KRABD2: variants seen among roughly 807,000 people sequenced by gnomAD.
KRABD2 encodes the protein KRAB domain-containing protein 2.
the KRABD2 span, chr17:8,373,781 G>A: frequency 2.4e-5 from 4 of 165,496 alleles, no homozygotes; most frequent in African/African-American, 4.9e-5. Flanking sequence ...CCTCTGCCCC[G>A]CCGCCCCGTC....
the KRABD2 span, among the ~76,000 whole-genome samples, chr17:8,366,109 A>G: frequency 2.7e-5 from 4 of 149,544 alleles, no homozygotes; most frequent in African/African-American, 9.9e-5. Context: ...AGCCCGGGCG[A>G]CAGTGCGAGA....
the KRABD2 span, among the ~76,000 whole-genome samples, chr17:8,374,459 T>A: frequency 6.6e-6 from 1 of 151,760 alleles, no homozygotes; most frequent in African/African-American, 2.4e-5. Context: ...CACTCCCTAA[T>A]CTCAAGTACC....
At chr17:8,367,986 G>T in the KRABD2 span, among the ~76,000 whole-genome samples, 1 of 150,318 alleles carries the variant, frequency 6.7e-6, no homozygotes, top group African/African-American at 2.5e-5. Flanking sequence ...GTCCTGGTTG[G>T]GTGTGGTGGC....
the KRABD2 span, among the ~76,000 whole-genome samples, chr17:8,361,263 AG>A: frequency 6.6e-6 from 1 of 152,186 alleles, no homozygotes; most frequent in African/African-American, 2.4e-5. Context: ...TAGAAGAGGT[AG>A]GAAGTACAAA....
chr17:8,372,576 G>A, the KRABD2 span, among the ~76,000 whole-genome samples: 1 of 152,146 alleles, frequency 6.6e-6, no homozygotes, highest in Non-Finnish European at 1.5e-5. The surrounding 1 kb of genome is among the most constrained non-coding windows in gnomAD (Gnocchi z 4.1). Context: ...ACAGGTGTGA[G>A]CCAGCACACC....
chr17:8,361,686 T>C, the KRABD2 span, among the ~76,000 whole-genome samples: 1 of 152,272 alleles, frequency 6.6e-6, no homozygotes, highest in East Asian at 1.9e-4. Context: ...GCCACCCAAG[T>C]AGCTGGGCCT....
the KRABD2 span, among the ~76,000 whole-genome samples, chr17:8,364,843 G>C: frequency 5.3e-5 from 8 of 152,064 alleles, no homozygotes; most frequent in Non-Finnish European, 8.8e-5. This position sits in a 1 kb window ranked among gnomAD's most constrained non-coding sequence, Gnocchi z 4.4. Flanking sequence ...AAACCAACCT[G>C]GCCAAAATGA....
the KRABD2 span, among the ~76,000 whole-genome samples, chr17:8,359,086 C>T: frequency 3.3e-5 from 5 of 152,154 alleles, no homozygotes; most frequent in Admixed American, 2.6e-4. Flanking sequence ...TCAACATTGC[C>T]GTTTTTTAAA....
chr17:8,364,424 C>T, the KRABD2 span, among the ~76,000 whole-genome samples: 1 of 152,114 alleles, frequency 6.6e-6, no homozygotes, highest in East Asian at 1.9e-4. This position sits in a 1 kb window ranked among gnomAD's most constrained non-coding sequence, Gnocchi z 4.4. Context: ...ACGATCATGG[C>T]TCACTTTAAC....
the KRABD2 span, among the ~76,000 whole-genome samples, chr17:8,367,662 C>CA: frequency 0.07 from 6,623 of 94,004 alleles, 190 homozygotes; most frequent in East Asian, 0.11. Context: ...GACCCTGTCT[C>CA]AAAAAAAAAA....
chr17:8,375,578 C>T, the KRABD2 span: 1 of 151,624 alleles, frequency 6.6e-6, no homozygotes, highest in South Asian at 2.1e-4. Context: ...CTTTGTCACC[C>T]AGGCTAGAGT....
the KRABD2 span, among the ~76,000 whole-genome samples, chr17:8,361,905 G>A: frequency 6.6e-6 from 1 of 152,174 alleles, no homozygotes; most frequent in African/African-American, 2.4e-5. Flanking sequence ...TTTGAACCCT[G>A]GGCTAGTTAT....
At chr17:8,369,148 G>A in the KRABD2 span, 1 of 1,613,024 alleles carries the variant, frequency 6.2e-7, no homozygotes, top group Non-Finnish European at 8.5e-7. Context: ...CAGCAGAGGA[G>A]ACCGGAAGTC....
At chr17:8,376,445 C>T in the KRABD2 span, 6 of 1,036,606 alleles carry the variant, frequency 5.8e-6, no homozygotes, top group South Asian at 4.6e-5. Flanking sequence ...CCGTCCACAC[C>T]ACACGGGCAC....
the KRABD2 span, among the ~76,000 whole-genome samples, chr17:8,361,773 A>G: frequency 6.6e-6 from 1 of 151,148 alleles, no homozygotes; most frequent in Non-Finnish European, 1.5e-5. Flanking sequence ...GGCTCAAGCA[A>G]TCCTCCTGCC....
the KRABD2 span, chr17:8,368,892 C>T: frequency 1.8e-6 from 1 of 549,756 alleles, no homozygotes; most frequent in South Asian, 3.1e-5. Flanking sequence ...CCACCTTGGC[C>T]TACCAAAGTG....
At chr17:8,362,001 T>C in the KRABD2 span, among the ~76,000 whole-genome samples, 1 of 152,202 alleles carries the variant, frequency 6.6e-6, no homozygotes, top group Non-Finnish European at 1.5e-5. This position sits in a 1 kb window ranked among gnomAD's most constrained non-coding sequence, Gnocchi z 4.2. Context: ...CAGCTTCAAC[T>C]GACTTTGTAG....
chr17:8,363,692 A>C, the KRABD2 span, among the ~76,000 whole-genome samples: 1 of 151,200 alleles, frequency 6.6e-6, no homozygotes, highest in Non-Finnish European at 1.5e-5. Flanking sequence ...ACCAGTATTT[A>C]TTTTTATGTA....
chr17:8,370,752 C>T, the KRABD2 span, among the ~76,000 whole-genome samples: 2 of 152,198 alleles, frequency 1.3e-5, no homozygotes, highest in Non-Finnish European at 2.9e-5. Context: ...AAATCTTACC[C>T]TCAGTACCCT....
Sources: allele counts gnomAD v4.1 joint callset (sites outside exome capture counted in the v4.1 genomes callset), GRCh38; gene constraint gnomAD v4.1.1; non-coding constraint Gnocchi (gnomAD v3.1); transcripts MANE v1.5; gene names NCBI Gene and HGNC (gene_info 2026-07-23, HGNC 2026-07-21).